LRRC4C: variants seen among roughly 807,000 people sequenced by gnomAD.
LRRC4C encodes the protein leucine-rich repeat-containing protein 4C.
In LRRC4C, 5 loss-of-function variants were observed where a neutral mutation model predicts 33.6. The observed-to-expected ratio is 0.15, with a 90% CI of 0.08 to 0.31. The LOEUF (loss-of-function observed/expected upper bound fraction) is 0.31, where lower values mean the gene tolerates loss of function less well. Ranked by LOEUF, LRRC4C falls within the 10% of genes least tolerant of loss-of-function variation. The pLI, the probability that LRRC4C is intolerant of heterozygous loss-of-function variation, is 1.00. For synonymous variants in LRRC4C, 329 were observed against 302.0 expected (o/e 1.09, Z -0.93); for missense variants, 560 against 796.7 (o/e 0.70, Z 3.58).
At chr11:41,093,388 A>G (rs1017302150) in intron 1 of LRRC4C, among the ~76,000 whole-genome samples, 5 of 152,230 alleles carry the variant, frequency 3.3e-5, no homozygotes, top group African/African-American at 1.2e-4. Flanking sequence ...TTTGTGAGCC[A>G]ATTAAAACAC....
At chr11:41,421,694 C>T (rs1954877686) in intron 1 of LRRC4C, among the ~76,000 whole-genome samples, 1 of 151,974 alleles carries the variant, frequency 6.6e-6, no homozygotes, top group African/African-American at 2.4e-5. Flanking sequence ...GCATGGCTGC[C>T]CATTGTTTCA....
At chr11:40,442,337 T>G (rs1202590463) in intron 3 of LRRC4C, among the ~76,000 whole-genome samples, 1 of 152,076 alleles carries the variant, frequency 6.6e-6, no homozygotes, top group Non-Finnish European at 1.5e-5. Context: ...GGAGCCCAGA[T>G]GAGAACTTTA....
At chr11:41,093,764 C>T (rs1447081959) in intron 1 of LRRC4C, among the ~76,000 whole-genome samples, 2 of 151,828 alleles carry the variant, frequency 1.3e-5, no homozygotes, top group East Asian at 3.9e-4. Flanking sequence ...TGCTCCAAAT[C>T]ATTAGTGGTT....
intron 2 of LRRC4C, among the ~76,000 whole-genome samples, chr11:40,828,597 A>C (rs892899465): frequency 6.6e-6 from 1 of 151,906 alleles, no homozygotes; most frequent in African/African-American, 2.4e-5. Flanking sequence ...GTTTCATACA[A>C]ATGTGTCCTA....
At chr11:41,321,943 C>A (rs1190093582) in intron 1 of LRRC4C, among the ~76,000 whole-genome samples, 7 of 152,172 alleles carry the variant, frequency 4.6e-5, no homozygotes, top group Non-Finnish European at 4.4e-5. Context: ...CAGTTCACTG[C>A]AACCTCCACC....
chr11:40,896,895 A>G (rs1346077442), intron 2 of LRRC4C, among the ~76,000 whole-genome samples: 1 of 152,198 alleles, frequency 6.6e-6, no homozygotes, highest in Non-Finnish European at 1.5e-5. Context: ...GAAGTGAGAT[A>G]GATACATCTA....
At chr11:41,360,564 C>A (rs1406776615) in intron 1 of LRRC4C, among the ~76,000 whole-genome samples, 2 of 151,966 alleles carry the variant, frequency 1.3e-5, no homozygotes, top group Non-Finnish European at 2.9e-5. Flanking sequence ...ATGAAGGAGG[C>A]TATAAAAGAG....
chr11:40,810,357 G>A (rs1010049503), intron 2 of LRRC4C, among the ~76,000 whole-genome samples: 1 of 152,132 alleles, frequency 6.6e-6, no homozygotes, highest in Non-Finnish European at 1.5e-5. Flanking sequence ...CTCTGTTTAA[G>A]TTATGAATGT....
intron 1 of LRRC4C, among the ~76,000 whole-genome samples, chr11:41,292,230 C>T (rs1950013508): frequency 6.6e-6 from 1 of 152,088 alleles, no homozygotes; most frequent in South Asian, 2.1e-4. Flanking sequence ...GTAATGTGAG[C>T]CTTTTCTAAG....
chr11:40,137,955 C>T (rs549775886), intron 6 of LRRC4C, among the ~76,000 whole-genome samples: 14 of 152,274 alleles, frequency 9.2e-5, no homozygotes, highest in South Asian at 6.2e-4. Context: ...CCAAAAAACA[C>T]GGTATGCTTT....
chr11:41,283,741 G>A (rs1299996694), intron 1 of LRRC4C, among the ~76,000 whole-genome samples: 2 of 152,144 alleles, frequency 1.3e-5, no homozygotes, highest in Non-Finnish European at 1.5e-5. Flanking sequence ...TACGGAAGAG[G>A]TTTGCTGATC....
At chr11:40,508,626 T>C (rs1425312552) in intron 3 of LRRC4C, among the ~76,000 whole-genome samples, 2 of 152,212 alleles carry the variant, frequency 1.3e-5, no homozygotes, top group African/African-American at 4.8e-5. Flanking sequence ...ACTCTGTGAA[T>C]GGCAGGTCTT....
intron 3 of LRRC4C, among the ~76,000 whole-genome samples, chr11:40,405,267 T>A (rs1476959712): frequency 6.6e-6 from 1 of 151,984 alleles, no homozygotes; most frequent in Non-Finnish European, 1.5e-5. Flanking sequence ...GGGGAGAATA[T>A]CCTCCTTAAG....
At chr11:40,291,588 T>C (rs1318611778) in intron 4 of LRRC4C, among the ~76,000 whole-genome samples, 2 of 152,166 alleles carry the variant, frequency 1.3e-5, no homozygotes, top group Non-Finnish European at 2.9e-5. Flanking sequence ...CCGGGTAATC[T>C]GAAGACCACA....
At chr11:41,147,641 G>A (rs1292740521) in intron 1 of LRRC4C, among the ~76,000 whole-genome samples, 2 of 152,188 alleles carry the variant, frequency 1.3e-5, no homozygotes, top group Admixed American at 6.5e-5. Context: ...TGCAATGTGA[G>A]AGACATGATA....
intron 1 of LRRC4C, among the ~76,000 whole-genome samples, chr11:40,993,442 G>A (rs1393250106): frequency 2.6e-5 from 4 of 151,880 alleles, no homozygotes; most frequent in Admixed American, 6.6e-5. Flanking sequence ...TGCTTGGTTC[G>A]TTCTTTAAAA....
At chr11:41,372,595 A>G (rs1952790038) in intron 1 of LRRC4C, among the ~76,000 whole-genome samples, 1 of 152,192 alleles carries the variant, frequency 6.6e-6, no homozygotes, top group South Asian at 2.1e-4. Flanking sequence ...CATTCAAGTC[A>G]GAAAATGCTA....
intron 5 of LRRC4C, among the ~76,000 whole-genome samples, chr11:40,181,868 CAG>C (rs1188763969): frequency 2.6e-5 from 4 of 152,180 alleles, no homozygotes; most frequent in Non-Finnish European, 5.9e-5. Context: ...CCCCGGGACT[CAG>C]AGTCTGCTCT....
rs367925028 is a variant in LRRC4C at position 41,186,308 on chromosome 11, A to G, written c.-495-252585T>C. Among the ~76,000 whole-genome samples the G allele has an allele frequency of 7.7e-4, 117 of 152,346 alleles. 1 individual carries two copies. The South Asian group carries it at 0.023, about 30-fold the overall frequency. ...AGTAGAGAAGTGGTTAAGTATATTG[A>G]AGGCAGCAACCAATAAAATCTTTTA... On this transcript the variant is annotated intron_variant, in intron 1 of 6. Coordinates refer to ENST00000528697, the MANE Select transcript of LRRC4C (RefSeq NM_001258419.2).
Sources: allele counts gnomAD v4.1 joint callset (sites outside exome capture counted in the v4.1 genomes callset), GRCh38; gene constraint gnomAD v4.1.1; transcripts MANE v1.5; gene names NCBI Gene and HGNC (gene_info 2026-07-23, HGNC 2026-07-21).